OASL: variants seen among roughly 807,000 people sequenced by gnomAD.
OASL encodes the protein 2'-5'-oligoadenylate synthase-like protein.
Under a neutral mutation model 35.3 loss-of-function variants are expected in OASL, and 28 were observed. The observed-to-expected ratio is 0.79, with a 90% CI of 0.59 to 1.09. The LOEUF (loss-of-function observed/expected upper bound fraction) is 1.09, where lower values mean the gene tolerates loss of function less well. OASL is among the 50% of genes least tolerant of loss of function. The pLI is 0.00. For missense variants in OASL, 620 were observed against 635.2 expected (o/e 0.98, Z 0.26); for synonymous variants, 252 against 254.6 (o/e 0.99, Z 0.10).
At chr12:121,036,294 CT>C (rs928439336) in intron 1 of OASL, among the ~76,000 whole-genome samples, 2 of 152,158 alleles carry the variant, frequency 1.3e-5, no homozygotes, top group Non-Finnish European at 2.9e-5. Context: ...CGAGCATTCC[CT>C]TATGTGGACC....
chr12:121,023,383 G>A (rs1869333997), intron 5 of OASL, among the ~76,000 whole-genome samples: 1 of 150,332 alleles, frequency 6.7e-6, no homozygotes, highest in South Asian at 2.1e-4. Flanking sequence ...CCAGCTCCCG[G>A]GTTCAAGCGA....
Position 121,039,134 on chromosome 12 carries a change from C to T in OASL, c.-163G>A, listed in dbSNP as rs574957043. The T allele has an allele frequency of 6.4e-6, 4 of 620,962 alleles. No homozygotes were observed. The East Asian group carries it at 1.1e-4, about 17-fold the overall frequency. 38.5% of individuals were successfully genotyped at this position (620,962 alleles called of 1,614,324 possible). On this transcript the variant is annotated 5_prime_UTR_variant, in exon 1 of 6. Coordinates refer to ENST00000257570, the Ensembl canonical transcript of OASL. ...GAGGAAACCAGGTGTGACGGGCTGA[C>T]TCCAGGTCCCCCTTCTTGGAGACAC... is the stretch of plus-strand genomic sequence containing the variant.
chr12:121,033,475 G>T, exon 2 of OASL: 1 of 1,610,496 alleles, frequency 6.2e-7, no homozygotes, highest in Non-Finnish European at 8.5e-7. Flanking sequence ...GGCTCTGTAG[G>T]CAGGCACAAT....
At chr12:121,038,879 TTCC>T (rs1326630204) in exon 1 of OASL, 1 of 1,613,964 alleles carries the variant, frequency 6.2e-7, no homozygotes, top group Non-Finnish European at 8.5e-7. Context: ...CTAGCACCTC[TTCC>T]TTCCACTCCC....
intron 4 of OASL, among the ~76,000 whole-genome samples, chr12:121,024,637 C>G (rs1297913546): frequency 4.6e-5 from 7 of 151,832 alleles, no homozygotes; most frequent in Admixed American, 4.6e-4. Context: ...AATTCTTCTT[C>G]TTTGGGATAG....
intron 5 of OASL, among the ~76,000 whole-genome samples, chr12:121,021,932 C>T (rs1423454872): frequency 6.6e-6 from 1 of 152,144 alleles, no homozygotes; most frequent in African/African-American, 2.4e-5. Context: ...TTTTTTGAGA[C>T]AGGGCCTTGC....
At chr12:121,036,437 T>C (rs1869960606) in intron 1 of OASL, among the ~76,000 whole-genome samples, 1 of 152,182 alleles carries the variant, frequency 6.6e-6, no homozygotes, top group Non-Finnish European at 1.5e-5. Flanking sequence ...GAAAAGTGGC[T>C]ATGATGTGCA....
chr12:121,028,617 G>GCC (rs1306085541), intron 3 of OASL, among the ~76,000 whole-genome samples: 12 of 138,804 alleles, frequency 8.6e-5, no homozygotes, highest in African/African-American at 3.0e-4. Context: ...CCTGAAACCC[G>GCC]CCCCCCCCGC....
chr12:121,038,983 G>A, exon 1 of OASL: 1 of 1,612,272 alleles, frequency 6.2e-7, no homozygotes, highest in Non-Finnish European at 8.5e-7. Flanking sequence ...TCTGTCCCGA[G>A]AGTACCGCTG....
intron 1 of OASL, among the ~76,000 whole-genome samples, chr12:121,035,165 C>G (rs1565907575): frequency 6.6e-6 from 1 of 152,030 alleles, no homozygotes; most frequent in Non-Finnish European, 1.5e-5. Context: ...AGCACGGATG[C>G]TGGATGACAT....
At chr12:121,021,581 C>A (rs539217182) in intron 5 of OASL, among the ~76,000 whole-genome samples, 1 of 152,312 alleles carries the variant, frequency 6.6e-6, no homozygotes, top group African/African-American at 2.4e-5. Context: ...GAGGCCAAGG[C>A]GGGCAGATCA....
chr12:121,031,453 A>G (rs1207181302), exon 3 of OASL: 1 of 1,613,458 alleles, frequency 6.2e-7, no homozygotes, highest in Admixed American at 1.7e-5. Flanking sequence ...TGCTGGTACC[A>G]GTGTTTCACC....
chr12:121,031,495 G>C, exon 3 of OASL: 4 of 1,613,982 alleles, frequency 2.5e-6, no homozygotes, highest in Non-Finnish European at 3.4e-6. Context: ...TTAGTTGGCC[G>C]ATGTTTCACG....
intron 2 of OASL, among the ~76,000 whole-genome samples, chr12:121,031,937 T>A (rs561449070): frequency 6.6e-6 from 1 of 152,272 alleles, no homozygotes; most frequent in Admixed American, 6.5e-5. Context: ...AAGCCTGTAA[T>A]CCCAGCACTT....
intron 1 of OASL, among the ~76,000 whole-genome samples, chr12:121,034,821 A>G (rs1869885570): frequency 1.3e-5 from 2 of 152,208 alleles, no homozygotes; most frequent in African/African-American, 4.8e-5. Context: ...ACAGGAAGTC[A>G]GCAATACATT....
At chr12:121,033,424 C>A (rs1260622414) in intron 2 of OASL, 37 bp downstream of exon 2, 4 of 1,593,916 alleles carry the variant, frequency 2.5e-6, no homozygotes, top group Non-Finnish European at 3.4e-6. Context: ...CTGGGGTGGG[C>A]AAGTGTGTGA....
intron 1 of OASL, among the ~76,000 whole-genome samples, chr12:121,038,427 A>T (rs1180202910): frequency 6.6e-6 from 1 of 152,156 alleles, no homozygotes; most frequent in Non-Finnish European, 1.5e-5. Flanking sequence ...GTTCATTCAC[A>T]CTAGGATCCA....
Position 121,033,692 on chromosome 12 carries a change from G to C in OASL, c.250C>G (p.Leu84Val), listed in dbSNP as rs750491713. The change falls in exon 2 of 6, where the codon CTG becomes GTG. Residue 84 changes from leucine to valine, a missense_variant. Leu to Val is a conservative substitution (Grantham distance 32). Transcript: ENST00000257570. Reference sequence around the variant, plus strand: ...TGGAAACAGCTCAGAAACGCCACCAGCTCCACCTCTCTGGTGCTCCTGAGA... The same window carrying C: ...TGGAAACAGCTCAGAAACGCCACCACCTCCACCTCTCTGGTGCTCCTGAGA... The C allele has an allele frequency of 3.7e-6, 6 of 1,614,076 alleles. No individual in the cohort carries two copies. In the East Asian group the frequency reaches 1.3e-4, roughly 36 times the overall value.
rs372641348 is a variant in OASL at position 121,023,968 on chromosome 12, C to G, written c.1047+22G>C. 3.1e-6 allele frequency: 5 copies of G among 1,613,016 alleles called. No individual in the cohort carries two copies. In the African/African-American group the frequency reaches 4.0e-5, roughly 13 times the overall value. On this transcript the variant is annotated intron_variant, in intron 5 of 5. Transcript: ENST00000257570. ...GTCGTTCTGACCTTCAAGCCCTTGA[C>G]AGCCCAGAGAGGAGCCATTACCTTC...
Sources: gnomAD v4.1 joint callset for allele counts (sites outside exome capture counted in the v4.1 genomes callset) on GRCh38, gnomAD v4.1.1 for gene constraint, MANE v1.5 for transcripts, NCBI Gene and HGNC (gene_info 2026-07-23, HGNC 2026-07-21) for gene names.